BLM: variants seen among roughly 807,000 people sequenced by gnomAD.
BLM encodes recQ-like DNA helicase BLM.
BLM carries 95 observed loss-of-function variants against 135.3 expected under a neutral mutation model. That is an observed-to-expected ratio of 0.70 (90% CI 0.59 to 0.83). The LOEUF is 0.83. Ranked by LOEUF, BLM falls within the 40% of genes least tolerant of loss-of-function variation. The pLI is 0.00. For synonymous variants in BLM, 520 were observed against 589.2 expected, an observed-to-expected ratio of 0.88 and a Z score of 1.70; for missense variants, 1,518 against 1,663.9, an observed-to-expected ratio of 0.91 and a Z score of 1.53.
chr15:90,723,073 C>G (rs552242871), intron 1 of BLM, among the ~76,000 whole-genome samples: 2 of 152,158 alleles, frequency 1.3e-5, no homozygotes, highest in East Asian at 3.9e-4. Context: ...AACTCCTGAC[C>G]TCAGGTAATC....
chr15:90,771,342 C>T (rs1222689578), intron 12 of BLM, among the ~76,000 whole-genome samples: 1 of 152,038 alleles, frequency 6.6e-6, no homozygotes, highest in African/African-American at 2.4e-5. Context: ...CAAAAATTAG[C>T]CAGGCCTACT....
At chr15:90,787,546 T>C (rs565636097) in intron 14 of BLM, among the ~76,000 whole-genome samples, 3 of 152,194 alleles carry the variant, frequency 2.0e-5, no homozygotes, top group Non-Finnish European at 4.4e-5. Context: ...AACAGAAAAT[T>C]TTAGAGGATA....
chr15:90,724,352 C>T (rs1161108458), intron 1 of BLM, among the ~76,000 whole-genome samples: 2 of 152,036 alleles, frequency 1.3e-5, no homozygotes, highest in East Asian at 1.9e-4. Context: ...TCATTCTATG[C>T]GTATACCACT....
chr15:90,747,237 CAAAAAAAAAAAAAA>C (rs59331923), intron 1 of BLM, among the ~76,000 whole-genome samples, 138 bp from the exon 2 acceptor site: 3 of 39,254 alleles, frequency 7.6e-5, no homozygotes, highest in Non-Finnish European at 1.4e-4. Context: ...GTCTATTGAC[CAAAAAAAAAAAAAA>C]AAAAAAAAAA....
chr15:90,751,876 GA>G lies in BLM; in HGVS notation c.890del (p.Asp297ValfsTer26), dbSNP rs1895695658. Reference protein sequence around the residue: ...PCIEFDDDDYDTDFVPPSPEE... With the variant: ...PCIEFDDDDYXTDFVPPSPEE... ...TATTGAATTTGATGATGATGATTAT[GA>G]TACGGATTTTGTTCCACCTTCTCCA... On this transcript the variant is annotated frameshift_variant, in exon 4 of 22. Coordinates refer to ENST00000355112, the MANE Select transcript of BLM (RefSeq NM_000057.4). LOFTEE classifies it high-confidence loss of function. 1 of 1,612,924 alleles carries G rather than the reference GA, an allele frequency of 6.2e-7. No individual in the cohort carries two copies.
chr15:90,748,563 G>C lies in BLM; in HGVS notation c.99-804G>C, dbSNP rs1051672890. Among the ~76,000 whole-genome samples, 54 of 152,062 alleles carry C rather than the reference G, an allele frequency of 3.6e-4. 1 individual carries two copies. The highest frequency in any genetic ancestry group is 3.5e-3 in the Admixed American group (54 of 15,246). On this transcript the variant is annotated intron_variant, in intron 2 of 21. Transcript: ENST00000355112. ...TAAGTGATGCTTTTACCAGGTTGTA[G>C]ACTTTGTTCTGGGTGCCTGGCTTTG...
At chr15:90,728,995 C>T (rs1408618000) in intron 1 of BLM, among the ~76,000 whole-genome samples, 2 of 151,898 alleles carry the variant, frequency 1.3e-5, no homozygotes, top group African/African-American at 4.8e-5. Flanking sequence ...GTCTGGGCAA[C>T]ACGGTGAGTC....
chr15:90,760,185 A>T lies in BLM; in HGVS notation c.1126A>T (p.Met376Leu), dbSNP rs1895932695. 1 of 1,612,804 alleles carries T rather than the reference A, an allele frequency of 6.2e-7. No individual in the cohort carries two copies. Among genetic ancestry groups the T allele is most frequent in the South Asian group, 1.1e-5 (1 of 91,058 alleles). ...TTTACAGCAGCAGCTTATTCATGTG[A>T]TGGAGCACATCTGTAAATTAATTGA... ...ISLQQQLIHV[M>L]EHICKLIDTI... is the part of the protein sequence containing the mutation. Residue 376 changes from methionine (M) to leucine (L), a missense_variant, in exon 6 of 22, where the codon ATG (methionine) becomes TTG (leucine). Physicochemically the swap from Met to Leu is conservative, Grantham distance 15 (BLOSUM62 2). Coordinates refer to ENST00000355112, the MANE Select transcript of BLM (RefSeq NM_000057.4).
chr15:90,750,537 A>G (rs754955661), intron 3 of BLM, among the ~76,000 whole-genome samples: 2 of 152,200 alleles, frequency 1.3e-5, no homozygotes, highest in Admixed American at 6.5e-5. Context: ...TTATCACACT[A>G]TACTCAAAAC....
At chr15:90,743,644 ATCC>A (rs769909696) in intron 1 of BLM, among the ~76,000 whole-genome samples, 28 of 152,102 alleles carry the variant, frequency 1.8e-4, no homozygotes, top group Non-Finnish European at 3.4e-4. Flanking sequence ...GGCTCATGCA[ATCC>A]TCCTGCCTCA....
intron 12 of BLM, among the ~76,000 whole-genome samples, chr15:90,771,924 C>T (rs565222962): frequency 6.6e-6 from 1 of 152,016 alleles, no homozygotes; most frequent in Non-Finnish European, 1.5e-5. Flanking sequence ...TTTCTTAGTA[C>T]TGTGGGGAAG....
rs1444304577 is a variant in BLM at position 90,815,711 on chromosome 15, C to T, written c.*432C>T. On this transcript the variant is annotated 3_prime_UTR_variant, in exon 22 of 22. Transcript: ENST00000355112. This position sits in a 1 kb window ranked among gnomAD's most constrained non-coding sequence, Gnocchi z 4.6. Reference sequence around the variant, plus strand: ...GATTAGTATCCATCATACCAAATACCCGTGAACCAGTCAGAAACATCCCAG... The same window carrying T: ...GATTAGTATCCATCATACCAAATACTCGTGAACCAGTCAGAAACATCCCAG... The T allele has an allele frequency of 9.9e-6, 2 of 201,586 alleles. No individual in the cohort carries two copies. Among genetic ancestry groups the T allele is most frequent in the African/African-American group, 4.8e-5 (2 of 41,856 alleles). The allele number at this position is 201,586 out of a possible 1,614,324, so 12.5% of individuals were successfully genotyped here. A position where few individuals can be genotyped will look rare whatever the true frequency, so the allele number is the denominator to read the frequency against.
rs1295137195 is a variant in BLM at position 90,798,336 on chromosome 15, G to A, written c.3357G>A (p.Leu1119=). 1 of 1,612,466 alleles carries A rather than the reference G, an allele frequency of 6.2e-7. No homozygotes were observed. Residue 1119 remains leucine (L), a splice_region_variant and synonymous_variant, in exon 17 of 22, where the codon TTG becomes TTA. Coordinates refer to ENST00000355112, the MANE Select transcript of BLM (RefSeq NM_000057.4). ...TGAATATGCTGGTCGACATTTTCTT[G>A]GGTAAGTCATCTGTTTTGAATGTTT... ...FTMNMLVDIF[L]GSKSAKIQSG...
Position 90,780,081 on chromosome 15 carries a change from C to CTTT in BLM, c.2556-2726_2556-2724dup, listed in dbSNP as rs1164879678. 4.7e-3 allele frequency among the ~76,000 whole-genome samples: 635 copies of CTTT among 135,420 alleles called. 5 individuals are homozygous for CTTT. Among genetic ancestry groups the CTTT allele is most frequent in the African/African-American group, 0.016 (586 of 36,984 alleles). The allele number at this position is 135,420 out of a possible 152,430, so 88.8% of individuals were successfully genotyped here. A position where few individuals can be genotyped will look rare whatever the true frequency, so the allele number is the denominator to read the frequency against. ...GGGAAAGGCGAAACAAGCAGGATGT[C>CTTT]TTTTTTTTTTTTTTTTTCTTTTTAG... On this transcript the variant is annotated intron_variant, in intron 12 of 21. Transcript: ENST00000355112.
At chr15:90,780,019 G>A (rs1369199704) in intron 12 of BLM, among the ~76,000 whole-genome samples, 1 of 151,126 alleles carries the variant, frequency 6.6e-6, no homozygotes. Context: ...TGGTTTGTTT[G>A]TTTTCAGGAA....
intron 12 of BLM, among the ~76,000 whole-genome samples, chr15:90,771,595 ATTTTT>A (rs760752305): frequency 1.6e-5 from 2 of 125,290 alleles, no homozygotes; most frequent in Admixed American, 8.0e-5. Context: ...TTGATCTATA[ATTTTT>A]TTTTTTTTTT....
intron 19 of BLM, chr15:90,808,930 T>C: frequency 1.5e-6 from 1 of 653,156 alleles, no homozygotes. Context: ...CCTATGCCGC[T>C]GGAATTGGAT....
chr15:90,796,013 G>A (rs1475036050), intron 16 of BLM, among the ~76,000 whole-genome samples: 2 of 152,206 alleles, frequency 1.3e-5, no homozygotes, highest in East Asian at 3.8e-4. Context: ...TGCCTGGTGT[G>A]TTCGAGAGAT....
In BLM at chr15:90,788,538, G is replaced by T. The variant is rs148817126; in HGVS notation, c.2824-2111G>T. On this transcript the variant is annotated intron_variant, in intron 14 of 21. Transcript: ENST00000355112. Reference sequence around the variant, plus strand: ...CTTTGATAAACTTTTTCTAAAGTTTGCCTGGAAGAATATTCAAGTGAAAAT... The same window carrying T: ...CTTTGATAAACTTTTTCTAAAGTTTTCCTGGAAGAATATTCAAGTGAAAAT... Among the ~76,000 whole-genome samples, 661 of 100,850 alleles carry T rather than the reference G, an allele frequency of 6.6e-3. 5 individuals carry two copies. The highest frequency in any genetic ancestry group is 0.031 in the Middle Eastern group (3 of 98). 66.2% of individuals were successfully genotyped at this position (100,850 alleles called of 152,430 possible). A position where few individuals can be genotyped will look rare whatever the true frequency, so the allele number is the denominator to read the frequency against.
Sources: gnomAD v4.1 joint callset for allele counts (sites outside exome capture counted in the v4.1 genomes callset) on GRCh38, gnomAD v4.1.1 for gene constraint, Gnocchi (gnomAD v3.1) non-coding constraint, MANE v1.5 for transcripts, NCBI Gene and HGNC (gene_info 2026-07-23, HGNC 2026-07-21) for gene names.